SLC15A5: variants seen among roughly 807,000 people sequenced by gnomAD.
SLC15A5 encodes Peptide/histidine transporter ENSP00000340402.
Under a neutral mutation model 56.1 loss-of-function variants are expected in SLC15A5, and 58 were observed. The observed-to-expected ratio is 1.03, with a 90% CI of 0.84 to 1.29. The LOEUF (loss-of-function observed/expected upper bound fraction) is 1.29. Among genes scored for constraint, SLC15A5 ranks in the 50% most tolerant of loss-of-function variants. SLC15A5 has a pLI of 0.00. For missense variants in SLC15A5, 681 were observed against 672.1 expected (o/e 1.01, Z -0.15); for synonymous variants, 264 against 250.5 (o/e 1.05, Z -0.51).
At position 16,198,937 on chromosome 12, in the gene SLC15A5, G is replaced by A. The variant is rs531253351; in HGVS notation, c.1484-4484C>T. ...CCTTTGAGCCTCACAGGCCCCAAAGGTCTAACCACATGTTCCCCTGCTTTC... is the reference window on the plus strand; with the variant it reads ...CCTTTGAGCCTCACAGGCCCCAAAGATCTAACCACATGTTCCCCTGCTTTC... On this transcript the variant is annotated intron_variant, in intron 7 of 8. Coordinates refer to ENST00000344941, the MANE Select transcript of SLC15A5 (RefSeq NM_001170798.1). Among the ~76,000 whole-genome samples the A allele has an allele frequency of 2.0e-5, 3 of 152,104 alleles. No individual in the cohort carries two copies. In the East Asian group the frequency reaches 5.8e-4, roughly 29 times the overall value.
chr12:16,247,900 G>A (rs1434054308), intron 3 of SLC15A5, among the ~76,000 whole-genome samples: 1 of 152,110 alleles, frequency 6.6e-6, no homozygotes, highest in Middle Eastern at 3.2e-3. Context: ...AACCCTAGTA[G>A]CTGCATGGAT....
chr12:16,264,135 C>T (rs1157034274), intron 2 of SLC15A5, among the ~76,000 whole-genome samples: 1 of 152,106 alleles, frequency 6.6e-6, no homozygotes, highest in African/African-American at 2.4e-5. Flanking sequence ...GATGCCAGCC[C>T]GTGAAGGCAG....
rs1338735307 is a variant in SLC15A5 at position 16,271,708 on chromosome 12, TGATA to T, written c.584+849_584+852del. ...TAGCTCACATCTGTTTGACATCCACTGATAGATAACAAAGAATAACAAAGAAGTT... is the reference window on the plus strand; with the variant it reads ...TAGCTCACATCTGTTTGACATCCACTGATAACAAAGAATAACAAAGAAGTT... On this transcript the variant is annotated intron_variant, in intron 2 of 8. Coordinates refer to ENST00000344941, the MANE Select transcript of SLC15A5 (RefSeq NM_001170798.1). This position sits in a 1 kb window ranked among gnomAD's most constrained non-coding sequence, Gnocchi z 8.0. Among the ~76,000 whole-genome samples, 2 of 152,188 alleles carry T rather than the reference TGATA, an allele frequency of 1.3e-5. No homozygotes were observed. Among genetic ancestry groups the T allele is most frequent in the East Asian group, 1.9e-4 (1 of 5,192 alleles).
intron 7 of SLC15A5, among the ~76,000 whole-genome samples, chr12:16,201,674 TCTC>T (rs931014978): frequency 2.6e-5 from 4 of 152,098 alleles, no homozygotes; most frequent in African/African-American, 9.7e-5. Flanking sequence ...CACTCAGTAT[TCTC>T]CTTCCTGATG....
intron 1 of SLC15A5, among the ~76,000 whole-genome samples, chr12:16,276,735 G>GCAAAATATATTTTGCAAA (rs1864824865): frequency 6.6e-6 from 1 of 151,634 alleles, no homozygotes; most frequent in South Asian, 2.1e-4. Flanking sequence ...TCTCACAATC[G>GCAAAATATATTTTGCAAA]GTCCCAAACT....
chr12:16,203,814 C>A (rs1863986921), intron 7 of SLC15A5, among the ~76,000 whole-genome samples: 1 of 152,046 alleles, frequency 6.6e-6, no homozygotes. Context: ...AAAGGGTCAA[C>A]TGAAATACTC....
chr12:16,223,126 G>T (rs767101933), intron 6 of SLC15A5, among the ~76,000 whole-genome samples: 3 of 150,412 alleles, frequency 2.0e-5, no homozygotes, highest in East Asian at 2.0e-4. Flanking sequence ...AAGTATGTGT[G>T]TGTATAAATA....
Position 16,243,714 on chromosome 12 carries a change from A to T in SLC15A5, c.975+866T>A, listed in dbSNP as rs563982764. The stretch of plus-strand genomic sequence containing the variant: ...CAGAGGACAGATTCCGCTTTCCCTT[A>T]CACTACTATTAACTGTGACCTACGG... On this transcript the variant is annotated intron_variant, in intron 4 of 8. Transcript: ENST00000344941. This position sits in a 1 kb window ranked among gnomAD's most constrained non-coding sequence, Gnocchi z 4.4. Among the ~76,000 whole-genome samples the T allele has an allele frequency of 6.6e-5, 10 of 152,170 alleles. No individual in the cohort carries two copies. The highest frequency in any genetic ancestry group is 1.3e-4 in the Non-Finnish European group (9 of 68,034).
intron 7 of SLC15A5, among the ~76,000 whole-genome samples, chr12:16,211,061 GC>G (rs374428805): frequency 6.0e-4 from 92 of 152,242 alleles, no homozygotes; most frequent in Admixed American, 2.2e-3. Flanking sequence ...TGTGGGCCTG[GC>G]TAAGGGTGAA....
intron 5 of SLC15A5, among the ~76,000 whole-genome samples, chr12:16,234,564 T>C (rs1280873115): frequency 6.6e-6 from 1 of 152,164 alleles, no homozygotes; most frequent in Non-Finnish European, 1.5e-5. Context: ...AATGTACACA[T>C]TTTAAACCTC....
chr12:16,223,004 A>G (rs1478708542), intron 6 of SLC15A5, among the ~76,000 whole-genome samples: 2 of 152,104 alleles, frequency 1.3e-5, no homozygotes, highest in African/African-American at 2.4e-5. Context: ...TGCAAAATAT[A>G]TGGGATGAAA....
chr12:16,240,969 C>T (rs926035083), intron 4 of SLC15A5, among the ~76,000 whole-genome samples: 2 of 151,986 alleles, frequency 1.3e-5, no homozygotes, highest in Non-Finnish European at 1.5e-5. Flanking sequence ...CCCGCCACCA[C>T]GCCTGGCTAA....
chr12:16,252,051 GGACAAAAACCACAT>G (rs1043091649), intron 3 of SLC15A5, among the ~76,000 whole-genome samples: 16 of 151,776 alleles, frequency 1.1e-4, no homozygotes, highest in African/African-American at 3.6e-4. Context: ...ACAAAATGAA[GGACAAAAACCACAT>G]GATCATCTCA....
chr12:16,255,784 C>A (rs574124708), intron 3 of SLC15A5, among the ~76,000 whole-genome samples: 4 of 146,650 alleles, frequency 2.7e-5, no homozygotes, highest in Admixed American at 2.0e-4. Flanking sequence ...CTAAACTATA[C>A]TAAGTAAAAA....
intron 3 of SLC15A5, among the ~76,000 whole-genome samples, chr12:16,246,794 A>G (rs1355936059): frequency 2.6e-5 from 4 of 152,146 alleles, no homozygotes; most frequent in Non-Finnish European, 5.9e-5. Context: ...ATCTGCTTCT[A>G]ATACATGACA....
intron 7 of SLC15A5, among the ~76,000 whole-genome samples, chr12:16,216,559 TACTTTTTC>T (rs1864131158): frequency 6.6e-6 from 1 of 152,182 alleles, no homozygotes; most frequent in African/African-American, 2.4e-5. Flanking sequence ...ACACAGGTCT[TACTTTTTC>T]TGAGGACTGT....
intron 2 of SLC15A5, among the ~76,000 whole-genome samples, chr12:16,263,762 G>A (rs1262057298): frequency 6.6e-6 from 1 of 152,162 alleles, no homozygotes; most frequent in Non-Finnish European, 1.5e-5. Context: ...AGGGGCCAAG[G>A]TACAGCTCAG....
In SLC15A5 at chr12:16,228,313, A is replaced by G. The variant is rs575203740; in HGVS notation, c.1163-3711T>C. ...AGAGAATATCTAAGCAGTGCCTTCA[A>G]GCATGTTTGCATTTGGGGCAAGACA... is the stretch of plus-strand genomic sequence containing the variant. On this transcript the variant is annotated intron_variant, in intron 5 of 8. Transcript: ENST00000344941. Among the ~76,000 whole-genome samples, 44 of 152,350 alleles carry G rather than the reference A, an allele frequency of 2.9e-4. No individual in the cohort carries two copies. The South Asian group carries it at 8.9e-3, about 31-fold the overall frequency.
intron 3 of SLC15A5, among the ~76,000 whole-genome samples, chr12:16,251,963 A>T (rs1459866476): frequency 1.3e-5 from 2 of 152,152 alleles, no homozygotes; most frequent in East Asian, 3.9e-4. Context: ...GACAAGTGGA[A>T]TTTATACCTG....
Sources: allele counts gnomAD v4.1 joint callset (sites outside exome capture counted in the v4.1 genomes callset), GRCh38; gene constraint gnomAD v4.1.1; non-coding constraint Gnocchi (gnomAD v3.1); transcripts MANE v1.5; gene names NCBI Gene and HGNC (gene_info 2026-07-23, HGNC 2026-07-21).